Variants in DNTT observed in about 807,000 individuals in gnomAD.
DNTT encodes the protein DNA nucleotidylexotransferase.
DNTT carries 47 observed loss-of-function variants against 60.9 expected under a neutral mutation model. The observed-to-expected ratio is 0.77, with a 90% CI of 0.61 to 0.98. DNTT has a LOEUF of 0.98. DNTT is among the 50% of genes least tolerant of loss of function. DNTT has a pLI of 0.00. For synonymous variants in DNTT, 224 were observed against 221.2 expected, an observed-to-expected ratio of 1.01 and a Z score of -0.11; for missense variants, 665 against 627.5, an observed-to-expected ratio of 1.06 and a Z score of -0.64.
intron 8 of DNTT, among the ~76,000 whole-genome samples, chr10:96,331,829 G>A (rs955961038): frequency 1.3e-5 from 2 of 152,136 alleles, no homozygotes; most frequent in African/African-American, 2.4e-5. Flanking sequence ...CCAGGCTAGT[G>A]TGCACTGGTG....
intron 9 of DNTT, among the ~76,000 whole-genome samples, chr10:96,334,410 C>A (rs952012255): frequency 6.6e-6 from 1 of 152,202 alleles, no homozygotes; most frequent in Non-Finnish European, 1.5e-5. Context: ...GGAGAGGACA[C>A]CTGTGATTTG....
chr10:96,324,804 G>C (rs1358409147), intron 6 of DNTT, among the ~76,000 whole-genome samples: 3 of 152,198 alleles, frequency 2.0e-5, no homozygotes, highest in African/African-American at 7.2e-5. Context: ...GTCTCCCTGG[G>C]TAAGAGTTGT....
In DNTT at chr10:96,304,859, AC is replaced by A. The variant is rs143556123; in HGVS notation, c.203+160del. ...ATCAAAGAACAACTAGTTAAGGAAA[AC>A]GAGATAAGTGGGGACTGAATACAAT... On this transcript the variant is annotated intron_variant, in intron 1 of 10. Coordinates refer to ENST00000371174, the MANE Select transcript of DNTT (RefSeq NM_004088.4). Among the ~76,000 whole-genome samples, 1,058 of 152,264 alleles carry A rather than the reference AC, an allele frequency of 6.9e-3. 10 individuals carry two copies. Among genetic ancestry groups the A allele is most frequent in the African/African-American group, 0.023 (962 of 41,540 alleles).
At chr10:96,321,730 TG>T (rs1844882961) in intron 4 of DNTT, among the ~76,000 whole-genome samples, 1 of 152,156 alleles carries the variant, frequency 6.6e-6, no homozygotes, top group South Asian at 2.1e-4. Flanking sequence ...AGAGACAGTG[TG>T]ATAACTCCTG....
intron 8 of DNTT, among the ~76,000 whole-genome samples, chr10:96,331,588 A>G (rs1339690068): frequency 6.6e-6 from 1 of 152,106 alleles, no homozygotes; most frequent in Non-Finnish European, 1.5e-5. Flanking sequence ...CTCACTCATT[A>G]CCATGAGGAT....
intron 1 of DNTT, among the ~76,000 whole-genome samples, chr10:96,310,607 T>G (rs1370856517): frequency 6.6e-6 from 1 of 152,116 alleles, no homozygotes; most frequent in African/African-American, 2.4e-5. Context: ...CTGGTGGGAG[T>G]CACTGCCTAG....
In DNTT at chr10:96,338,430, A is replaced by C. The variant is rs1278571649; in HGVS notation, c.*206A>C. On this transcript the variant is annotated 3_prime_UTR_variant, in exon 11 of 11. Transcript: ENST00000371174. ...AATAGGCCATGTTTATGACTGTTGC[A>C]TAGAATTCACAATGCATTTTTCAAG... The C allele has an allele frequency of 9.4e-6, 4 of 425,166 alleles. No individual in the cohort carries two copies. Among genetic ancestry groups the C allele is most frequent in the Non-Finnish European group, 1.7e-5 (4 of 239,876 alleles). 26.3% of individuals were successfully genotyped at this position (425,166 alleles called of 1,614,324 possible).
intron 9 of DNTT, 106 bp from the exon 10 acceptor site, chr10:96,335,785 T>C: frequency 4.5e-6 from 6 of 1,319,884 alleles, no homozygotes; most frequent in Non-Finnish European, 6.5e-6. Flanking sequence ...AAAATCACTT[T>C]GAGAATGTTT....
At chr10:96,320,952 C>G (rs1400720994) in intron 4 of DNTT, among the ~76,000 whole-genome samples, 164 bp downstream of exon 4, 1 of 151,560 alleles carries the variant, frequency 6.6e-6, no homozygotes, top group Non-Finnish European at 1.5e-5. Context: ...CTCTCTCTCT[C>G]TCTCTCTCTC....
rs768759775 is a variant in DNTT at position 96,335,978 on chromosome 10, C to T, written c.1443+4C>T. The T allele has an allele frequency of 1.9e-6, 3 of 1,613,996 alleles. No individual in the cohort carries two copies. The highest frequency in any genetic ancestry group is 1.3e-5 in the African/African-American group (1 of 74,918). Reference sequence around the variant, plus strand: ...TGCTTTATATGACAAGACCAAGGTACAGTTCTCTTCCTAAAAGGGGCTACT... The same window carrying T: ...TGCTTTATATGACAAGACCAAGGTATAGTTCTCTTCCTAAAAGGGGCTACT... On this transcript the variant is annotated splice_donor_region_variant and intron_variant, in intron 10 of 10. Transcript: ENST00000371174.
chr10:96,307,364 T>G (rs12764612), intron 1 of DNTT, among the ~76,000 whole-genome samples: 71 of 124,236 alleles, frequency 5.7e-4, no homozygotes, highest in South Asian at 1.5e-3. Context: ...TTTTTTTTTT[T>G]TTTTTTTTTT....
intron 5 of DNTT, among the ~76,000 whole-genome samples, chr10:96,323,425 G>A (rs2133990335): frequency 6.6e-6 from 1 of 152,258 alleles, no homozygotes; most frequent in Admixed American, 6.5e-5. Flanking sequence ...TTGGGAGGGG[G>A]AATTCCGTCC....
At chr10:96,330,368 T>G (rs1259021546) in intron 8 of DNTT, among the ~76,000 whole-genome samples, 1 of 152,010 alleles carries the variant, frequency 6.6e-6, no homozygotes, top group Non-Finnish European at 1.5e-5. Context: ...TTGGCTTTCA[T>G]GTGAGACTTG....
At position 96,338,397 on chromosome 10, in the gene DNTT, A is replaced by G; in HGVS notation, c.*173A>G. 1.7e-6 allele frequency: 1 copy of G among 574,044 alleles called. No homozygotes were observed. Among genetic ancestry groups the G allele is most frequent in the Non-Finnish European group, 3.0e-6 (1 of 330,146 alleles). 35.6% of individuals were successfully genotyped at this position (574,044 alleles called of 1,614,324 possible). Reference sequence around the variant, plus strand: ...TGGGAAGGTGCCACTGGTAATGGGTAAGGTTCTAATAGGCCATGTTTATGA... The same window carrying G: ...TGGGAAGGTGCCACTGGTAATGGGTGAGGTTCTAATAGGCCATGTTTATGA... On this transcript the variant is annotated 3_prime_UTR_variant, in exon 11 of 11. Transcript: ENST00000371174.
chr10:96,314,241 A>G (rs1446838732), intron 1 of DNTT, among the ~76,000 whole-genome samples: 1 of 152,004 alleles, frequency 6.6e-6, no homozygotes. Context: ...TCCCTCTGCA[A>G]CAAGAGGAAG....
In DNTT at chr10:96,304,741, T is replaced by G. The variant is rs113711051; in HGVS notation, c.203+41T>G. ...TCTTGCTTTGTAAATAAGCAGAGGCTTTGTGAACAGCTTCTTGGGAACCCA... is the reference window on the plus strand; with the variant it reads ...TCTTGCTTTGTAAATAAGCAGAGGCGTTGTGAACAGCTTCTTGGGAACCCA... On this transcript the variant is annotated intron_variant, in intron 1 of 10. Coordinates refer to ENST00000371174, the MANE Select transcript of DNTT (RefSeq NM_004088.4). 23 of 1,591,922 alleles carry G rather than the reference T, an allele frequency of 1.4e-5. 1 individual carries two copies. The African/African-American group carries it at 1.6e-4, about 11-fold the overall frequency.
At chr10:96,322,251 G>A (rs1226962001) in intron 4 of DNTT, among the ~76,000 whole-genome samples, 2 of 152,140 alleles carry the variant, frequency 1.3e-5, no homozygotes, top group South Asian at 4.1e-4. Context: ...ACATCACAAG[G>A]GCTTGAATGT....
chr10:96,335,975 G>C lies in DNTT; in HGVS notation c.1443+1G>C. The stretch of plus-strand genomic sequence containing the variant: ...CCATGCTTTATATGACAAGACCAAG[G>C]TACAGTTCTCTTCCTAAAAGGGGCT... On this transcript the variant is annotated splice_donor_variant, in intron 10 of 10. Transcript: ENST00000371174. LOFTEE classifies it high-confidence loss of function. The C allele has an allele frequency of 1.2e-6, 2 of 1,614,100 alleles. No individual in the cohort carries two copies. Among genetic ancestry groups the C allele is most frequent in the Non-Finnish European group, 1.7e-6 (2 of 1,180,004 alleles).
chr10:96,307,777 A>ATATATTTT (rs768634575), intron 1 of DNTT, among the ~76,000 whole-genome samples: 11 of 126,020 alleles, frequency 8.7e-5, no homozygotes, highest in African/African-American at 3.4e-4. Context: ...ATATATATAT[A>ATATATTTT]TTTTTTTTTT....
Sources: allele counts gnomAD v4.1 joint callset (sites outside exome capture counted in the v4.1 genomes callset), GRCh38; gene constraint gnomAD v4.1.1; transcripts MANE v1.5; gene names NCBI Gene and HGNC (gene_info 2026-07-23, HGNC 2026-07-21).